MEGF11: variants seen among roughly 807,000 people sequenced by gnomAD.
MEGF11 encodes multiple EGF like domains 11.
A neutral mutation model predicts 146.6 loss-of-function variants in MEGF11; 126 were observed. The ratio of observed to expected loss-of-function variants is 0.86; its 90% confidence interval spans 0.74 to 1.00. The LOEUF (loss-of-function observed/expected upper bound fraction) is 1.00, where lower values mean the gene tolerates loss of function less well. Ranked by LOEUF, MEGF11 falls within the 50% of genes least tolerant of loss-of-function variation. The probability of loss-of-function intolerance (pLI) is 0.00; values close to 1 mark genes in which losing one functional copy is unlikely to be tolerated. For synonymous variants in MEGF11, 532 were observed against 583.4 expected (o/e 0.91, Z 1.27); for missense variants, 1,509 against 1,521.2 (o/e 0.99, Z 0.13).
At chr15:66,066,266 G>A (rs879769945) in intron 5 of MEGF11, among the ~76,000 whole-genome samples, 3 of 152,022 alleles carry the variant, frequency 2.0e-5, no homozygotes, top group Non-Finnish European at 2.9e-5. Context: ...AGGGGCTCAG[G>A]GTCAGGGGAG....
intron 1 of MEGF11, among the ~76,000 whole-genome samples, chr15:66,239,802 C>T (rs2092172299): frequency 6.6e-6 from 1 of 152,240 alleles, no homozygotes; most frequent in African/African-American, 2.4e-5. Flanking sequence ...TGGGCTTCTC[C>T]AGAGGCTTCC....
chr15:66,176,432 G>A (rs1265580317), intron 1 of MEGF11, among the ~76,000 whole-genome samples: 1 of 152,080 alleles, frequency 6.6e-6, no homozygotes, highest in Non-Finnish European at 1.5e-5. Context: ...GGGGGATAAA[G>A]GAGATGTCTG....
chr15:66,082,466 A>AATCT (rs200466707), intron 5 of MEGF11, among the ~76,000 whole-genome samples: 3,619 of 72,454 alleles, frequency 0.05, 162 homozygotes, highest in Non-Finnish European at 0.061. Flanking sequence ...AAAAAAAAAA[A>AATCT]ATCTATCTAT....
intron 2 of MEGF11, among the ~76,000 whole-genome samples, chr15:66,126,689 G>A (rs1482331889): frequency 6.6e-6 from 1 of 152,156 alleles, no homozygotes; most frequent in African/African-American, 2.4e-5. Flanking sequence ...ACAGTAGCAG[G>A]AAGCAGGTGT....
intron 15 of MEGF11, among the ~76,000 whole-genome samples, chr15:65,919,736 T>G (rs772223852): frequency 2.0e-5 from 3 of 152,170 alleles, no homozygotes; most frequent in Non-Finnish European, 4.4e-5. Context: ...GTTCAAGCGA[T>G]TCTCCTGCCT....
At chr15:66,193,644 T>C (rs1302388067) in intron 1 of MEGF11, among the ~76,000 whole-genome samples, 2 of 152,142 alleles carry the variant, frequency 1.3e-5, no homozygotes, top group Non-Finnish European at 2.9e-5. Context: ...TGACTTTGTA[T>C]ACGTGGGTTC....
In MEGF11 at chr15:65,922,894, C is replaced by G; in HGVS notation, c.1751G>C (p.Gly584Ala). 6.2e-7 allele frequency: 1 copy of G among 1,613,260 alleles called. No homozygotes were observed. The highest frequency in any genetic ancestry group is 8.5e-7 in the Non-Finnish European group (1 of 1,179,724). Residue 584 changes from glycine to alanine, a missense_variant, in exon 14 of 26, where the codon GGA (glycine) becomes GCA (alanine). Coordinates refer to ENST00000395614, the MANE Select transcript of MEGF11 (RefSeq NM_001385028.1). Reference protein sequence around the residue: ...NCSVSCSCENGGSCSPEDGSC... With the variant: ...NCSVSCSCENAGSCSPEDGSC... ...CCCATCCTCTGGGGAGCAGGAGCCTCCATTCTCACAGCTGCAGGAGACAGA... is the reference window on the plus strand; with the variant it reads ...CCCATCCTCTGGGGAGCAGGAGCCTGCATTCTCACAGCTGCAGGAGACAGA...
intron 7 of MEGF11, among the ~76,000 whole-genome samples, chr15:65,975,941 C>G (rs891794299): frequency 6.6e-6 from 1 of 151,692 alleles, no homozygotes; most frequent in Non-Finnish European, 1.5e-5. Flanking sequence ...TGGGGAGAGG[C>G]AGGGGGAGAG....
At chr15:66,251,094 TG>T (rs1311739553) in intron 1 of MEGF11, among the ~76,000 whole-genome samples, 1 of 152,176 alleles carries the variant, frequency 6.6e-6, no homozygotes, top group Non-Finnish European at 1.5e-5. Flanking sequence ...AGAAGACCCC[TG>T]GGGCCAGGTT....
At chr15:65,940,509 G>A (rs1161047783) in intron 10 of MEGF11, among the ~76,000 whole-genome samples, 1 of 152,238 alleles carries the variant, frequency 6.6e-6, no homozygotes, top group Non-Finnish European at 1.5e-5. Context: ...AAACAGAATA[G>A]CTTGTCCAAA....
intron 1 of MEGF11, among the ~76,000 whole-genome samples, chr15:66,131,869 G>A (rs571200510): frequency 6.6e-6 from 1 of 152,152 alleles, no homozygotes; most frequent in Non-Finnish European, 1.5e-5. Context: ...AGCTCTAAGA[G>A]CGGTGTTCCT....
At chr15:66,174,472 G>A (rs758475094) in intron 1 of MEGF11, among the ~76,000 whole-genome samples, 1 of 152,184 alleles carries the variant, frequency 6.6e-6, no homozygotes, top group Non-Finnish European at 1.5e-5. Context: ...CAACCCTGCC[G>A]CTTAGCCCTT....
intron 1 of MEGF11, among the ~76,000 whole-genome samples, chr15:66,209,886 C>G (rs1356527290): frequency 1.3e-5 from 2 of 151,738 alleles, no homozygotes; most frequent in African/African-American, 4.8e-5. Context: ...ATGCATGGTG[C>G]AAACATAATT....
At chr15:65,950,383 G>A (rs749227873) in intron 10 of MEGF11, among the ~76,000 whole-genome samples, 8 of 152,044 alleles carry the variant, frequency 5.3e-5, no homozygotes, top group African/African-American at 1.4e-4. Flanking sequence ...CCAGGAATTC[G>A]AGACCAGCCT....
Position 66,228,092 on chromosome 15 carries a change from G to A in MEGF11, c.-9+25513C>T, listed in dbSNP as rs567216835. On this transcript the variant is annotated intron_variant, in intron 1 of 25. Transcript: ENST00000395614. ...CCTCGGTGTGCTCTCTGCCAAATGA[G>A]GGGGTGGAAAGGTCCTTTAAGTTTT... Among the ~76,000 whole-genome samples, 17 of 152,296 alleles carry A rather than the reference G, an allele frequency of 1.1e-4. No homozygotes were observed. In the South Asian group the frequency reaches 3.3e-3, roughly 30 times the overall value.
chr15:66,103,725 C>T (rs898340849), intron 4 of MEGF11, among the ~76,000 whole-genome samples: 2 of 152,148 alleles, frequency 1.3e-5, no homozygotes, highest in East Asian at 1.9e-4. Context: ...GCTGCTACTC[C>T]TATTTTGTAG....
chr15:66,218,979 C>CAAGAAAAAAAAAAAAAAAAA (rs2091658683), intron 1 of MEGF11, among the ~76,000 whole-genome samples: 1 of 86,942 alleles, frequency 1.2e-5, no homozygotes, highest in Non-Finnish European at 2.1e-5. Flanking sequence ...TATCCACAGG[C>CAAGAAAAAAAAAAAAAAAAA]AAAAAAAAAA....
chr15:66,218,983 A>AAAAAAAAAAAAAAAAAAC (rs2091660705), intron 1 of MEGF11, among the ~76,000 whole-genome samples: 2 of 150,784 alleles, frequency 1.3e-5, no homozygotes, highest in African/African-American at 2.4e-5. Flanking sequence ...CACAGGCAAA[A>AAAAAAAAAAAAAAAAAAC]AAAAAAAAAA....
chr15:66,093,396 A>G (rs773037405), intron 5 of MEGF11, among the ~76,000 whole-genome samples: 23 of 152,174 alleles, frequency 1.5e-4, no homozygotes, highest in Admixed American at 2.6e-4. Flanking sequence ...ACATTCTCCT[A>G]AGTTTTCATG....
Sources: gnomAD v4.1 joint callset for allele counts (sites outside exome capture counted in the v4.1 genomes callset) on GRCh38, gnomAD v4.1.1 for gene constraint, MANE v1.5 for transcripts, NCBI Gene and HGNC (gene_info 2026-07-23, HGNC 2026-07-21) for gene names.